USP24: variants seen among roughly 807,000 people sequenced by gnomAD.
USP24 encodes the protein ubiquitin carboxyl-terminal hydrolase 24.
A neutral mutation model predicts 361.6 loss-of-function variants in USP24; 97 were observed. The observed-to-expected ratio is 0.27, with a 90% CI of 0.23 to 0.32. The LOEUF (loss-of-function observed/expected upper bound fraction) is 0.32, where lower values mean the gene tolerates loss of function less well. USP24 is among the 10% of genes least tolerant of loss of function. The probability of loss-of-function intolerance (pLI) is 1.00; values close to 1 mark genes in which losing one functional copy is unlikely to be tolerated. For synonymous variants in USP24, 1,098 were observed against 1,124.6 expected (o/e 0.98, Z 0.47); for missense variants, 2,353 against 3,165.6 (o/e 0.74, Z 6.16).
intron 41 of USP24, among the ~76,000 whole-genome samples, chr1:55,104,361 T>C (rs1645717163): frequency 6.6e-6 from 1 of 151,992 alleles, no homozygotes; most frequent in Non-Finnish European, 1.5e-5. Context: ...AATAGGTAAG[T>C]AGAAAGATTT....
At chr1:55,079,793 T>TGAGTACTCTCACTGAGTACTCACACA in intron 59 of USP24, 134 bp from the exon 60 acceptor site, 1 of 1,051,220 alleles carries the variant, frequency 9.5e-7, no homozygotes, top group Non-Finnish European at 1.3e-6. Flanking sequence ...ACTCACACAC[T>TGAGTACTCTCACTGAGTACTCACACA]GAGTACTCAC....
chr1:55,143,632 C>CTT (rs200083233), intron 21 of USP24, among the ~76,000 whole-genome samples: 2 of 145,502 alleles, frequency 1.4e-5, no homozygotes, highest in African/African-American at 2.5e-5. Flanking sequence ...GTTAATAAGC[C>CTT]TTTTTTTTTT....
chr1:55,095,952 C>T (rs1330531713), intron 50 of USP24, among the ~76,000 whole-genome samples: 1 of 152,190 alleles, frequency 6.6e-6, no homozygotes, highest in Non-Finnish European at 1.5e-5. Context: ...TTCTGAAATG[C>T]TAAGGTCTCC....
intron 54 of USP24, among the ~76,000 whole-genome samples, chr1:55,091,200 G>A (rs1024415138): frequency 1.8e-4 from 15 of 82,516 alleles, no homozygotes; most frequent in African/African-American, 3.8e-4. Context: ...CCTGGGACCC[G>A]TTAGGAACAG....
At chr1:55,094,908 T>G (rs960503665) in intron 51 of USP24, among the ~76,000 whole-genome samples, 3 of 151,952 alleles carry the variant, frequency 2.0e-5, no homozygotes, top group Non-Finnish European at 4.4e-5. Context: ...GAGGCTGAGG[T>G]GGAAGGATCG....
intron 53 of USP24, among the ~76,000 whole-genome samples, chr1:55,092,531 G>T (rs902174099): frequency 6.6e-6 from 1 of 152,188 alleles, no homozygotes. Context: ...AATATCCATT[G>T]ACATGAGCTC....
At chr1:55,213,327 A>G (rs6669991) in intron 1 of USP24, among the ~76,000 whole-genome samples, 82,114 of 152,054 alleles carry the variant, frequency 0.54, 23,588 homozygotes, top group East Asian at 0.74. Context: ...TCAACGATAC[A>G]GCTAAGTTAG....
chr1:55,149,613 A>C (rs1418714608), intron 16 of USP24, among the ~76,000 whole-genome samples: 1 of 152,200 alleles, frequency 6.6e-6, no homozygotes, highest in Non-Finnish European at 1.5e-5. Context: ...ATTCTAAGAC[A>C]AAGATTTCAT....
At position 55,066,915 on chromosome 1, in the gene USP24, GTAC is replaced by G. The variant is rs1178496518; in HGVS notation, c.*2127_*2129del. The G allele has an allele frequency of 6.6e-6, 1 of 152,106 alleles. No homozygotes were observed. Among genetic ancestry groups the G allele is most frequent in the Non-Finnish European group, 1.5e-5 (1 of 68,026 alleles). The allele number at this position is 152,106 out of a possible 1,614,324, so 9.4% of individuals were successfully genotyped here. ...TAAGCCTGTCATAACTGTCACTGTT[GTAC>G]TACATTAAAAAAAGTCATCAGCAGG... On this transcript the variant is annotated 3_prime_UTR_variant, in exon 68 of 68. Coordinates refer to ENST00000294383, the MANE Select transcript of USP24 (RefSeq NM_015306.3).
intron 19 of USP24, among the ~76,000 whole-genome samples, chr1:55,146,614 A>T (rs1262135439): frequency 3.9e-5 from 6 of 152,190 alleles, no homozygotes; most frequent in African/African-American, 1.4e-4. Context: ...ATAGGAACTC[A>T]AAGTTTTCTG....
rs866351596 is a variant in USP24, at chr1:55,073,870, C to A, written c.7484G>T (p.Arg2495Leu). The A allele has an allele frequency of 6.3e-7, 1 of 1,581,538 alleles. No individual in the cohort carries two copies. ...AAGAAATTTGACACACTGGTAGCAGCGACTACTGTCCACATGATTACTGTG... is the reference window on the plus strand; with the variant it reads ...AAGAAATTTGACACACTGGTAGCAGAGACTACTGTCCACATGATTACTGTG... ...MHHSNHVDSS[R>L]CYQCVKFLVT... The change falls in exon 64 of 68, where the codon CGC (arginine) becomes CTC (leucine). Residue 2495 changes from arginine (R) to leucine (L), a missense_variant. Around this residue, in one of 8 missense-constraint regions of USP24, gnomAD observed 598 missense variants for 761.9 expected, o/e 0.78. Transcript: ENST00000294383.
At chr1:55,120,008 G>A (rs625219) in intron 38 of USP24, among the ~76,000 whole-genome samples, 132,083 of 152,168 alleles carry the variant, frequency 0.87, 57,396 homozygotes, top group East Asian at 1. Context: ...GCTGTGTGGT[G>A]AAGGTGAGTT....
chr1:55,071,352 TC>T (rs1644914962), intron 67 of USP24: 12 of 992,314 alleles, frequency 1.2e-5, no homozygotes, highest in Non-Finnish European at 1.4e-5. Flanking sequence ...TGTTTTTTTT[TC>T]TTTTTTTAAA....
At chr1:55,131,814 A>G (rs1321228479) in intron 31 of USP24, among the ~76,000 whole-genome samples, 3 of 152,214 alleles carry the variant, frequency 2.0e-5, no homozygotes, top group Non-Finnish European at 4.4e-5. Context: ...TATGGATTCT[A>G]TTCTTTAGTG....
intron 39 of USP24, among the ~76,000 whole-genome samples, chr1:55,108,508 G>A (rs1645855701): frequency 6.6e-6 from 1 of 152,154 alleles, no homozygotes; most frequent in African/African-American, 2.4e-5. Flanking sequence ...TATGCAATGA[G>A]ACCAGCACCT....
chr1:55,147,861 T>A, intron 17 of USP24, 63 bp from the exon 18 acceptor site: 1 of 1,537,154 alleles, frequency 6.5e-7, no homozygotes, highest in East Asian at 2.3e-5. Context: ...GCTGGTTTAA[T>A]ACAAGCTGCT....
chr1:55,134,421 A>G lies in USP24; in HGVS notation c.3202-8T>C. The G allele has an allele frequency of 6.2e-7, 1 of 1,602,232 alleles. No homozygotes were observed. Among genetic ancestry groups the G allele is most frequent in the Non-Finnish European group, 8.5e-7 (1 of 1,171,134 alleles). Reference sequence around the variant, plus strand: ...ACCAGGGAGGGATTTCTCCTGATGGAAAAAAGCAAAATAGAAATTCAAATT... The same window carrying G: ...ACCAGGGAGGGATTTCTCCTGATGGGAAAAAGCAAAATAGAAATTCAAATT... On this transcript the variant is annotated splice_polypyrimidine_tract_variant and splice_region_variant and intron_variant, in intron 28 of 67. Coordinates refer to ENST00000294383, the MANE Select transcript of USP24 (RefSeq NM_015306.3).
At chr1:55,149,064 T>A (rs1570546485) in intron 16 of USP24, among the ~76,000 whole-genome samples, 1 of 152,364 alleles carries the variant, frequency 6.6e-6, no homozygotes, top group African/African-American at 2.4e-5. Flanking sequence ...ATATTCATAA[T>A]CTGTATTTCC....
rs144048936 is a variant in USP24, at chr1:55,185,462, T to C, written c.325-7330A>G. 3.7e-3 allele frequency among the ~76,000 whole-genome samples: 549 copies of C among 149,652 alleles called. 2 individuals carry two copies. Among genetic ancestry groups the C allele is most frequent in the African/African-American group, 0.013 (516 of 40,838 alleles). ...ACCAAAAGTTGGTTCTTTGAAAAAATTTAAAAAAAAGGGACAAACCTTCAA... is the reference window on the plus strand; with the variant it reads ...ACCAAAAGTTGGTTCTTTGAAAAAACTTAAAAAAAAGGGACAAACCTTCAA... On this transcript the variant is annotated intron_variant, in intron 1 of 67. Transcript: ENST00000294383.
Sources: gnomAD v4.1 joint callset for allele counts (sites outside exome capture counted in the v4.1 genomes callset) on GRCh38, gnomAD v4.1.1 for gene constraint, gnomAD v4.1.1 regional missense constraint, MANE v1.5 for transcripts, NCBI Gene and HGNC (gene_info 2026-07-23, HGNC 2026-07-21) for gene names.